DAB2IP: variants seen among roughly 807,000 people sequenced by gnomAD.
The protein encoded by DAB2IP is disabled homolog 2-interacting protein.
DAB2IP carries 28 observed loss-of-function variants against 107.2 expected under a neutral mutation model. The ratio of observed to expected loss-of-function variants is 0.26; its 90% CI spans 0.19 to 0.36. The LOEUF (loss-of-function observed/expected upper bound fraction) is 0.36, where lower values mean the gene tolerates loss of function less well. Ranked by LOEUF, DAB2IP falls within the 10% of genes least tolerant of loss-of-function variation. DAB2IP has a pLI of 1.00. For synonymous variants in DAB2IP, 755 were observed against 706.4 expected (o/e 1.07, Z -1.09); for missense variants, 1,400 against 1,644.7 (o/e 0.85, Z 2.57).
Position 121,699,296 on chromosome 9 carries a change from C to T in DAB2IP, c.229-29C>T. On this transcript the variant is annotated intron_variant, in intron 2 of 15. Coordinates refer to ENST00000408936, the Ensembl canonical transcript of DAB2IP. This position sits in a 1 kb window ranked among gnomAD's most constrained non-coding sequence, Gnocchi z 6.2. Reference sequence around the variant, plus strand: ...CCGCCGCCGCGCTAACCCCGCCTCCCCTTCCCCCTCTTGTCCCCCCGTGCG... The same window carrying T: ...CCGCCGCCGCGCTAACCCCGCCTCCTCTTCCCCCTCTTGTCCCCCCGTGCG... 1 of 1,387,306 alleles carries T rather than the reference C, an allele frequency of 7.2e-7. No individual in the cohort carries two copies. Among genetic ancestry groups the T allele is most frequent in the African/African-American group, 1.5e-5 (1 of 66,014 alleles). 85.9% of individuals were successfully genotyped at this position (1,387,306 alleles called of 1,614,324 possible).
At chr9:121,572,079 TG>T (rs1259784867) in intron 1 of DAB2IP, among the ~76,000 whole-genome samples, 2 of 152,080 alleles carry the variant, frequency 1.3e-5, no homozygotes, top group African/African-American at 2.4e-5. Context: ...GTCTGCCTTG[TG>T]ATTTCCAAAG....
At chr9:121,763,925 C>T (rs1834076139) in intron 8 of DAB2IP, 46 bp downstream of exon 8, 1 of 1,602,538 alleles carries the variant, frequency 6.2e-7, no homozygotes, top group South Asian at 1.1e-5. Flanking sequence ...CTTCCCCATC[C>T]TGTCCTTCAG....
rs956954924 is a variant in DAB2IP at position 121,662,160 on chromosome 9, A to T, written c.124+10261A>T. ...TCTTTAAGTTTTTGAAAATTCTAAA[A>T]TATTCTAAAGTAGAACAGAAAAGCA... On this transcript the variant is annotated intron_variant, in intron 1 of 15. Transcript: ENST00000408936. The surrounding 1 kb of genome is among the most constrained non-coding windows in gnomAD (Gnocchi z 4.6). Among the ~76,000 whole-genome samples the T allele has an allele frequency of 1.3e-5, 2 of 152,206 alleles. No homozygotes were observed. The highest frequency in any genetic ancestry group is 4.8e-5 in the African/African-American group (2 of 41,460).
chr9:121,717,438 A>G (rs1396000601), intron 3 of DAB2IP, among the ~76,000 whole-genome samples: 1 of 152,254 alleles, frequency 6.6e-6, no homozygotes. Context: ...AAAACTATTT[A>G]ACGCGCTTGC....
At position 121,782,234 on chromosome 9, in the gene DAB2IP, A is replaced by T. The variant is rs1835716201; in HGVS notation, c.3403-97A>T. The T allele has an allele frequency of 6.6e-7, 1 of 1,519,328 alleles. No homozygotes were observed. The highest frequency in any genetic ancestry group is 8.8e-7 in the Non-Finnish European group (1 of 1,130,218). The allele number at this position is 1,519,328 out of a possible 1,614,324, so 94.1% of individuals were successfully genotyped here. On this transcript the variant is annotated intron_variant, in intron 15 of 15. Coordinates refer to ENST00000408936, the Ensembl canonical transcript of DAB2IP. The surrounding 1 kb of genome is among the most constrained non-coding windows in gnomAD (Gnocchi z 6.1). ...AGCCCGGAGCCTGCCTGCCACCCTCATCTCCAGGCCACCCCCTTCCCCGAT... is the reference window on the plus strand; with the variant it reads ...AGCCCGGAGCCTGCCTGCCACCCTCTTCTCCAGGCCACCCCCTTCCCCGAT...
intron 3 of DAB2IP, among the ~76,000 whole-genome samples, chr9:121,735,282 C>G (rs1831817249): frequency 1.3e-5 from 2 of 152,140 alleles, no homozygotes; most frequent in Admixed American, 6.5e-5. Flanking sequence ...CACGGCAGAG[C>G]TGAGCCTGGA....
chr9:121,720,855 G>A (rs1180408027), intron 3 of DAB2IP, among the ~76,000 whole-genome samples: 2 of 152,144 alleles, frequency 1.3e-5, no homozygotes, highest in East Asian at 3.9e-4. Flanking sequence ...TGTGTCTGGG[G>A]TAAGTCAGAG....
chr9:121,763,013 G>A (rs1426775721), intron 6 of DAB2IP, among the ~76,000 whole-genome samples: 1 of 152,214 alleles, frequency 6.6e-6, no homozygotes, highest in Non-Finnish European at 1.5e-5. Context: ...GGGCAGTGGG[G>A]CTGCACAGAA....
chr9:121,595,954 G>A (rs920527530), intron 1 of DAB2IP, among the ~76,000 whole-genome samples: 4 of 152,056 alleles, frequency 2.6e-5, no homozygotes, highest in Non-Finnish European at 5.9e-5. Context: ...TGGGAGGCTG[G>A]GGCGGGAGGA....
intron 3 of DAB2IP, among the ~76,000 whole-genome samples, chr9:121,700,605 C>A (rs935451383): frequency 6.6e-6 from 1 of 152,198 alleles, no homozygotes; most frequent in Admixed American, 6.5e-5. Context: ...CTCCCCTCCC[C>A]CTTGGTTCTA....
intron 3 of DAB2IP, among the ~76,000 whole-genome samples, chr9:121,742,450 C>G (rs1832421686): frequency 6.6e-6 from 1 of 152,208 alleles, no homozygotes; most frequent in South Asian, 2.1e-4. Flanking sequence ...GATAGCCACA[C>G]AGCACCTACT....
chr9:121,728,323 CAGTT>C (rs1252059200), intron 3 of DAB2IP, among the ~76,000 whole-genome samples: 1 of 152,118 alleles, frequency 6.6e-6, no homozygotes, highest in Non-Finnish European at 1.5e-5. Flanking sequence ...GTGGGCTCAT[CAGTT>C]AGAGAGGTCT....
At chr9:121,603,139 C>T (rs1388877190) in intron 1 of DAB2IP, among the ~76,000 whole-genome samples, 2 of 152,250 alleles carry the variant, frequency 1.3e-5, no homozygotes, top group African/African-American at 2.4e-5. Context: ...AGGTGCTGGG[C>T]CTGCATCTCG....
At chr9:121,616,300 C>T (rs1831274821) in intron 1 of DAB2IP, among the ~76,000 whole-genome samples, 2 of 152,150 alleles carry the variant, frequency 1.3e-5, no homozygotes. Context: ...TTTTAGAGTC[C>T]TCTTTTTTAT....
At chr9:121,642,488 CTT>C (rs59223844) in intron 1 of DAB2IP, among the ~76,000 whole-genome samples, 31,132 of 131,160 alleles carry the variant, frequency 0.24, 3,968 homozygotes, top group South Asian at 0.41. Flanking sequence ...GCTTTTTTTT[CTT>C]TTTTTTTTTT....
intron 1 of DAB2IP, among the ~76,000 whole-genome samples, chr9:121,608,511 C>T (rs1292477674): frequency 2.0e-5 from 3 of 151,978 alleles, no homozygotes; most frequent in South Asian, 4.2e-4. Flanking sequence ...GGGGAGCAGC[C>T]GAGGACTGTA....
rs373683026 is a variant in DAB2IP, at chr9:121,744,126, G to A, written c.363-12887G>A. Reference sequence around the variant, plus strand: ...AGCTTGGCCTTTGCTCTGAGTGGCCGAACCTTTGGCTGGCTGGGTGGGGCT... The same window carrying A: ...AGCTTGGCCTTTGCTCTGAGTGGCCAAACCTTTGGCTGGCTGGGTGGGGCT... On this transcript the variant is annotated intron_variant, in intron 3 of 15. Coordinates refer to ENST00000408936, the Ensembl canonical transcript of DAB2IP. Among the ~76,000 whole-genome samples, 145 of 152,306 alleles carry A rather than the reference G, an allele frequency of 9.5e-4. 1 individual carries two copies. The highest frequency in any genetic ancestry group is 3.4e-3 in the African/African-American group (142 of 41,560).
chr9:121,631,813 TAAAAAAAAA>T lies in DAB2IP; in HGVS notation c.41-46847_41-46839del, dbSNP rs752400251. 8.5e-5 allele frequency among the ~76,000 whole-genome samples: 5 copies of T among 58,896 alleles called. No individual in the cohort carries two copies. The East Asian group carries it at 2.6e-3, about 31-fold the overall frequency. The allele number at this position is 58,896 out of a possible 152,430, so 38.6% of individuals were successfully genotyped here. A position where few individuals can be genotyped will look rare whatever the true frequency, so the allele number is the denominator to read the frequency against. On this transcript the variant is annotated intron_variant, in intron 1 of 16. Transcript: ENST00000259371. ...CCTGGCTACAGGGCAAGACTCCGTCTAAAAAAAAAAAAAAAAAAAAAAAAAAGAAGCTTG... is the reference window on the plus strand; with the variant it reads ...CCTGGCTACAGGGCAAGACTCCGTCTAAAAAAAAAAAAAAAAAGAAGCTTG...
chr9:121,636,854 T>G (rs887853317), intron 1 of DAB2IP, among the ~76,000 whole-genome samples: 2 of 152,116 alleles, frequency 1.3e-5, no homozygotes, highest in Non-Finnish European at 2.9e-5. Context: ...CTCATTCAAG[T>G]CTTGTGACAG....
Sources: gnomAD v4.1 joint callset for allele counts (sites outside exome capture counted in the v4.1 genomes callset) on GRCh38, gnomAD v4.1.1 for gene constraint, Gnocchi (gnomAD v3.1) non-coding constraint, MANE v1.5 for transcripts, NCBI Gene and HGNC (gene_info 2026-07-23, HGNC 2026-07-21) for gene names.